The following DNAH10 variants were observed in gnomAD, a reference collection of about 807,000 sequenced individuals.
The protein encoded by DNAH10 is dynein axonemal heavy chain 10.
Under a neutral mutation model 506.6 loss-of-function variants are expected in DNAH10, and 348 were observed. The ratio of observed to expected loss-of-function variants is 0.69; its 90% CI spans 0.63 to 0.75. The LOEUF is 0.75. DNAH10 is among the 30% of genes least tolerant of loss of function. The pLI, the probability that DNAH10 is intolerant of heterozygous loss-of-function variation, is 0.00. For synonymous variants in DNAH10, 2,059 were observed against 2,198.6 expected (o/e 0.94, Z 1.78); for missense variants, 5,179 against 5,787.1 (o/e 0.89, Z 3.41).
chr12:123,918,097 A>G (rs927644630), intron 64 of DNAH10, among the ~76,000 whole-genome samples: 33 of 152,192 alleles, frequency 2.2e-4, no homozygotes, highest in African/African-American at 7.7e-4. Context: ...AAGTTCAGAG[A>G]TGGCCTCAGG....
At chr12:123,827,461 A>G (rs1054469384) in intron 25 of DNAH10, among the ~76,000 whole-genome samples, 1 of 152,224 alleles carries the variant, frequency 6.6e-6, no homozygotes, top group Non-Finnish European at 1.5e-5. Context: ...CAAGTGCTCC[A>G]TAGACACGCG....
In DNAH10 at chr12:123,874,209, A is replaced by AT. The variant is rs538842316; in HGVS notation, c.7938+506dup. On this transcript the variant is annotated intron_variant, in intron 46 of 78. Transcript: ENST00000673944. ...TAAATTTATATTATTTCATTGAACC[A>AT]TTTTTTTCTGAAAGTCTATTTCCAG... Among the ~76,000 whole-genome samples, 214 of 152,030 alleles carry AT rather than the reference A, an allele frequency of 1.4e-3. 1 individual carries two copies. Among genetic ancestry groups the AT allele is most frequent in the Non-Finnish European group, 2.5e-3 (168 of 68,006 alleles).
chr12:123,797,496 G>A (rs1017476933), intron 13 of DNAH10, among the ~76,000 whole-genome samples: 4 of 151,698 alleles, frequency 2.6e-5, no homozygotes, highest in Non-Finnish European at 4.4e-5. Flanking sequence ...GGGTTTAAGC[G>A]ATCCTCCTGC....
intron 5 of DNAH10, among the ~76,000 whole-genome samples, chr12:123,777,265 A>G (rs1957475936): frequency 6.6e-6 from 1 of 152,140 alleles, no homozygotes; most frequent in Admixed American, 6.5e-5. Context: ...CAAGGGAGGG[A>G]GTAGAGATGG....
intron 57 of DNAH10, among the ~76,000 whole-genome samples, chr12:123,905,595 A>T (rs536947134): frequency 6.7e-6 from 1 of 149,362 alleles, no homozygotes; most frequent in East Asian, 2.0e-4. Flanking sequence ...TGTAGTTTTA[A>T]TTTGCATTTC....
intron 39 of DNAH10, 32 bp downstream of exon 39, chr12:123,861,202 G>A (rs1251901351): frequency 3.0e-5 from 48 of 1,608,008 alleles, no homozygotes; most frequent in Non-Finnish European, 3.9e-5. Context: ...AAAGAGCCTG[G>A]GTTAGTTAAT....
Position 123,934,640 on chromosome 12 carries a change from G to A in DNAH10, c.13497G>A (p.Leu4499=), listed in dbSNP as rs1229007133. ...CCCTAGGATGCTTTGTCTCAGGACT[G>A]TACCTGGAAGGTGCTGACTGGGATA... ...RAGQGCFVSG[L]YLEGADWDIE... The change falls in exon 78 of 79, where the codon CTG becomes CTA. Residue 4499 remains leucine, a synonymous_variant. Transcript: ENST00000673944. 1 of 1,613,552 alleles carries A rather than the reference G, an allele frequency of 6.2e-7. No homozygotes were observed. Among genetic ancestry groups the A allele is most frequent in the Non-Finnish European group, 8.5e-7 (1 of 1,179,764 alleles).
chr12:123,848,809 C>T lies in DNAH10; in HGVS notation c.6029C>T (p.Ser2010Phe), dbSNP rs1409381903. 1 of 1,613,806 alleles carries T rather than the reference C, an allele frequency of 6.2e-7. No homozygotes were observed. The highest frequency in any genetic ancestry group is 8.5e-7 in the Non-Finnish European group (1 of 1,179,888). The change falls in exon 34 of 79, where the codon TCT becomes TTT. Residue 2010 changes from serine to phenylalanine, a missense_variant. Physicochemically the swap from Ser to Phe is radical, Grantham distance 155 (BLOSUM62 -2). Coordinates refer to ENST00000673944, the MANE Select transcript of DNAH10 (RefSeq NM_001372106.1). ...GATGAGTTTAATCGAATCGATGCTT[C>T]TGTGCTCTCCGTGATCTCCTCCCAG... ...CFDEFNRIDASVLSVISSQIQ... is the reference protein window; with the variant it reads ...CFDEFNRIDAFVLSVISSQIQ...
chr12:123,926,868 T>TAAACTAGGGGAGCTAGTTTA lies in DNAH10; in HGVS notation c.12105+48_12105+49insAAACTAGGGGAGCTAGTTTA. 2.5e-6 allele frequency: 4 copies of TAAACTAGGGGAGCTAGTTTA among 1,596,548 alleles called. No homozygotes were observed. Among genetic ancestry groups the TAAACTAGGGGAGCTAGTTTA allele is most frequent in the Non-Finnish European group, 3.4e-6 (4 of 1,174,262 alleles). ...AAGCTCTACGTTTAGGGGAGGTCCC[T>TAAACTAGGGGAGCTAGTTTA]GGTGTCTGCTAAGAAGGAGCTAACC... On this transcript the variant is annotated intron_variant, in intron 69 of 78. Coordinates refer to ENST00000673944, the MANE Select transcript of DNAH10 (RefSeq NM_001372106.1). The surrounding 1 kb of genome is among the most constrained non-coding windows in gnomAD (Gnocchi z 4.1).
intron 52 of DNAH10, among the ~76,000 whole-genome samples, chr12:123,891,555 A>G (rs1952983182): frequency 6.6e-6 from 1 of 150,914 alleles, no homozygotes; most frequent in African/African-American, 2.5e-5. Flanking sequence ...AGGAACGAGC[A>G]GAGACTGAGA....
rs139057870 is a variant in DNAH10 at position 123,790,848 on chromosome 12, G to A, written c.1815+727G>A. 6.6e-3 allele frequency among the ~76,000 whole-genome samples: 1,001 copies of A among 152,290 alleles called. 19 individuals carry two copies. Among genetic ancestry groups the A allele is most frequent in the African/African-American group, 0.022 (933 of 41,550 alleles). On this transcript the variant is annotated intron_variant, in intron 11 of 78. Transcript: ENST00000673944. ...ATGATATAGCCAGAATTATAGGTCGGGTGTAGCGGCTCATGCCTGTCATGC... is the reference window on the plus strand; with the variant it reads ...ATGATATAGCCAGAATTATAGGTCGAGTGTAGCGGCTCATGCCTGTCATGC...
chr12:123,846,751 C>G lies in DNAH10; in HGVS notation c.5814+597C>G, dbSNP rs1413599131. On this transcript the variant is annotated intron_variant, in intron 32 of 78. Coordinates refer to ENST00000673944, the MANE Select transcript of DNAH10 (RefSeq NM_001372106.1). The surrounding 1 kb of genome is among the most constrained non-coding windows in gnomAD (Gnocchi z 4.5). ...TCAAGTGATCCTCCCACCTTGGCCT[C>G]CTGAGTAGCTAGGACTATAGCATTC... Among the ~76,000 whole-genome samples the G allele has an allele frequency of 6.6e-6, 1 of 152,112 alleles. No individual in the cohort carries two copies. The highest frequency in any genetic ancestry group is 1.5e-5 in the Non-Finnish European group (1 of 68,040).
intron 26 of DNAH10, among the ~76,000 whole-genome samples, chr12:123,831,708 C>A (rs544161047): frequency 3.8e-4 from 57 of 151,936 alleles, no homozygotes; most frequent in African/African-American, 1.3e-3. Flanking sequence ...CTGGCTAACA[C>A]GGTGAAACCC....
intron 53 of DNAH10, 67 bp from the exon 54 acceptor site, chr12:123,894,576 G>A (rs1000245331): frequency 1.4e-6 from 2 of 1,462,498 alleles, no homozygotes; most frequent in East Asian, 4.6e-5. Context: ...TGTATTTTTT[G>A]TAGAGACAGG....
chr12:123,879,882 C>A, intron 50 of DNAH10, 81 bp downstream of exon 50: 1 of 1,511,904 alleles, frequency 6.6e-7, no homozygotes. Context: ...CGCGCGGGTG[C>A]CCGGGAGCCT....
Position 123,767,640 on chromosome 12 carries a change from G to A in DNAH10, c.249G>A (p.Glu83=), listed in dbSNP as rs1165290267. 2 of 1,612,888 alleles carry A rather than the reference G, an allele frequency of 1.2e-6. No individual in the cohort carries two copies. The highest frequency in any genetic ancestry group is 1.1e-5 in the South Asian group (1 of 90,756). The change falls in exon 2 of 79, where the codon GAG becomes GAA. Residue 83 remains glutamate (E), a synonymous_variant. Transcript: ENST00000673944. ...CTGTCCTGTCTGAAGAGGGAGAAGA[G>A]GAAGAAGAGACTTATTCTCAAAAAG... ...EIPVLSEEGE[E]EEETYSQKVE... is the part of the protein sequence containing the mutation.
chr12:123,877,849 C>A lies in DNAH10; in HGVS notation c.8313C>A (p.Ile2771=). 1 of 1,614,002 alleles carries A rather than the reference C, an allele frequency of 6.2e-7. No homozygotes were observed. Among genetic ancestry groups the A allele is most frequent in the Non-Finnish European group, 8.5e-7 (1 of 1,179,900 alleles). Residue 2771 remains isoleucine, a synonymous_variant, in exon 48 of 79, where the codon ATC becomes ATA. Transcript: ENST00000673944. ...CCACTCCGTCAAAGTTCCATTACAT[C>A]TTCAACCTTCGAGATCTCTCACGGG... The part of the protein sequence containing the change: ...LPPTPSKFHY[I]FNLRDLSRVF...
At chr12:123,816,739 G>C (rs1178159269) in intron 21 of DNAH10, among the ~76,000 whole-genome samples, 1 of 152,154 alleles carries the variant, frequency 6.6e-6, no homozygotes, top group Non-Finnish European at 1.5e-5. Flanking sequence ...CCTAATACTT[G>C]CAACTGGCAT....
intron 44 of DNAH10, among the ~76,000 whole-genome samples, chr12:123,870,734 G>A (rs569169040): frequency 1.3e-4 from 20 of 152,228 alleles, no homozygotes; most frequent in South Asian, 2.1e-4. Context: ...CCAGCAGGCC[G>A]ATCCCCACAG....
Sources: gnomAD v4.1 joint callset for allele counts (sites outside exome capture counted in the v4.1 genomes callset) on GRCh38, gnomAD v4.1.1 for gene constraint, Gnocchi (gnomAD v3.1) non-coding constraint, MANE v1.5 for transcripts, NCBI Gene and HGNC (gene_info 2026-07-23, HGNC 2026-07-21) for gene names.